KYNU: variants seen among roughly 807,000 people sequenced by gnomAD.
KYNU encodes the protein L-kynurenine hydrolase.
KYNU carries 54 observed loss-of-function variants against 59.2 expected under a neutral mutation model. That is an observed-to-expected ratio of 0.91 (90% CI 0.73 to 1.14). KYNU has a LOEUF of 1.14. KYNU is among the 50% of genes most tolerant of loss of function. The pLI, the probability that KYNU is intolerant of heterozygous loss-of-function variation, is 0.00. For synonymous variants in KYNU, 177 were observed against 192.0 expected (o/e 0.92, Z 0.65); for missense variants, 567 against 554.4 (o/e 1.02, Z -0.23).
intron 12 of KYNU, among the ~76,000 whole-genome samples, chr2:143,038,646 A>G (rs924145243): frequency 6.6e-6 from 1 of 152,128 alleles, no homozygotes; most frequent in African/African-American, 2.4e-5. Flanking sequence ...AGAGACAGGC[A>G]CCATTCTGTC....
Position 142,947,273 on chromosome 2 carries a change from C to A in KYNU, c.374-7537C>A, listed in dbSNP as rs988800634. 3.9e-6 allele frequency: 6 copies of A among 1,528,574 alleles called. No individual in the cohort carries two copies. In the South Asian group the frequency reaches 6.0e-5, roughly 15 times the overall value. The allele number at this position is 1,528,574 out of a possible 1,614,324, so 94.7% of individuals were successfully genotyped here. A position where few individuals can be genotyped will look rare whatever the true frequency, so the allele number is the denominator to read the frequency against. ...GGAAGATTTTCAAGTAGGAACCAGA[C>A]AAATTCACTTAAAACTCACCACTAC... is the stretch of plus-strand genomic sequence containing the variant. On this transcript the variant is annotated intron_variant, in intron 4 of 13. Transcript: ENST00000264170.
At position 143,046,257 on chromosome 2, in the gene KYNU, T is replaced by C. The variant is rs1687163706; in HGVS notation, c.*4085T>C. ...CCCATAAAAATCTATTAGCTAATTT[T>C]GGTTGTGCATGAATATTGTATCAAT... On this transcript the variant is annotated 3_prime_UTR_variant, in exon 14 of 14. Coordinates refer to ENST00000264170, the MANE Select transcript of KYNU (RefSeq NM_003937.3). 6.6e-6 allele frequency: 1 copy of C among 152,180 alleles called. No individual in the cohort carries two copies. Among genetic ancestry groups the C allele is most frequent in the Admixed American group, 6.6e-5 (1 of 15,250 alleles). The allele number at this position is 152,180 out of a possible 1,614,324, so 9.4% of individuals were successfully genotyped here.
chr2:142,956,462 G>A lies in KYNU; in HGVS notation c.507+188G>A, dbSNP rs140374470. ...TATTTCTTTTGTTAAAGTAAAACAC[G>A]TGTTAAGGGAAGAGAAGATGGAATA... On this transcript the variant is annotated intron_variant, in intron 6 of 13. Coordinates refer to ENST00000264170, the MANE Select transcript of KYNU (RefSeq NM_003937.3). Among the ~76,000 whole-genome samples the A allele has an allele frequency of 3.9e-3, 601 of 152,174 alleles. 2 individuals are homozygous for A. The highest frequency in any genetic ancestry group is 0.013 in the African/African-American group (537 of 41,540).
rs1268625583 is a variant in KYNU at position 142,944,237 on chromosome 2, G to A, written c.374-10573G>A. ...AGTAGGTACCTTATTGAGTTGCTAT[G>A]CATGCTGAAATAATACAAGTCACAT... is the stretch of plus-strand genomic sequence containing the variant. On this transcript the variant is annotated intron_variant, in intron 4 of 13. Transcript: ENST00000264170. Among the ~76,000 whole-genome samples, 4 of 152,176 alleles carry A rather than the reference G, an allele frequency of 2.6e-5. No homozygotes were observed. The East Asian group carries it at 5.8e-4, about 22-fold the overall frequency.
chr2:142,989,576 G>T, intron 10 of KYNU: 1 of 757,898 alleles, frequency 1.3e-6, no homozygotes, highest in Non-Finnish European at 1.6e-6. Context: ...TCTTTAACAA[G>T]TATTTTGAAG....
chr2:142,955,782 G>A (rs1684142334), intron 5 of KYNU, among the ~76,000 whole-genome samples: 2 of 152,004 alleles, frequency 1.3e-5, no homozygotes, highest in South Asian at 2.1e-4. Flanking sequence ...GAACAAATGA[G>A]CTACTATCAA....
chr2:142,889,672 G>C (rs1681639579), intron 2 of KYNU, among the ~76,000 whole-genome samples: 1 of 152,160 alleles, frequency 6.6e-6, no homozygotes. Flanking sequence ...GTTTTGACAA[G>C]ATGTGAATTC....
At chr2:143,005,739 G>A (rs1339411659) in intron 10 of KYNU, among the ~76,000 whole-genome samples, 1 of 151,848 alleles carries the variant, frequency 6.6e-6, no homozygotes, top group East Asian at 1.9e-4. Context: ...TGTGGTTTTT[G>A]CCATGGAAAG....
At chr2:142,969,160 G>A (rs1035414724) in intron 8 of KYNU, among the ~76,000 whole-genome samples, 9 of 151,954 alleles carry the variant, frequency 5.9e-5, no homozygotes, top group Non-Finnish European at 1.2e-4. Flanking sequence ...TCAAGAAAAA[G>A]ACATGTTAAA....
At chr2:143,033,454 C>A in intron 12 of KYNU, 133 bp downstream of exon 12, 2 of 784,598 alleles carry the variant, frequency 2.5e-6, no homozygotes, top group East Asian at 4.9e-5. Flanking sequence ...GGACAGAAGG[C>A]AGCATTCCCC....
Position 143,012,237 on chromosome 2 carries a change from T to C in KYNU, c.903-17390T>C, listed in dbSNP as rs374405029. Reference sequence around the variant, plus strand: ...TGACTCACGCCTGTAATCCCAGCACTTTGGGAGGCCGAGGCGGGTGGATCA... The same window carrying C: ...TGACTCACGCCTGTAATCCCAGCACCTTGGGAGGCCGAGGCGGGTGGATCA... On this transcript the variant is annotated intron_variant, in intron 10 of 13. Coordinates refer to ENST00000264170, the MANE Select transcript of KYNU (RefSeq NM_003937.3). Among the ~76,000 whole-genome samples, 474 of 151,996 alleles carry C rather than the reference T, an allele frequency of 3.1e-3. 1 individual carries two copies. The highest frequency in any genetic ancestry group is 0.01 in the South Asian group (49 of 4,816).
chr2:142,900,225 A>G (rs545351583), intron 2 of KYNU, among the ~76,000 whole-genome samples: 6 of 152,342 alleles, frequency 3.9e-5, no homozygotes, highest in Non-Finnish European at 7.3e-5. Context: ...TCGCTGGATC[A>G]GGAGCACAGT....
At chr2:142,980,641 C>T (rs934651809) in intron 8 of KYNU, among the ~76,000 whole-genome samples, 1 of 151,920 alleles carries the variant, frequency 6.6e-6, no homozygotes, top group African/African-American at 2.4e-5. Context: ...TCAGAATGGC[C>T]TGAAAATGAT....
In KYNU at chr2:143,004,583, C is replaced by T. The variant is rs117129930; in HGVS notation, c.902+18562C>T. On this transcript the variant is annotated intron_variant, in intron 10 of 13. Coordinates refer to ENST00000264170, the MANE Select transcript of KYNU (RefSeq NM_003937.3). ...AGAATTAGCTGCGTGTGGTGGTGTGCGCCACCACTCGGGAGGCTGAGGCAG... is the reference window on the plus strand; with the variant it reads ...AGAATTAGCTGCGTGTGGTGGTGTGTGCCACCACTCGGGAGGCTGAGGCAG... Among the ~76,000 whole-genome samples, 138 of 152,110 alleles carry T rather than the reference C, an allele frequency of 9.1e-4. 1 individual carries two copies. The East Asian group carries it at 0.02, about 22-fold the overall frequency.
intron 2 of KYNU, among the ~76,000 whole-genome samples, chr2:142,900,434 C>T (rs1682037536): frequency 1.3e-5 from 2 of 152,172 alleles, no homozygotes; most frequent in Admixed American, 1.3e-4. Context: ...GTAGCCATTG[C>T]CAGCTCAAAT....
intron 2 of KYNU, among the ~76,000 whole-genome samples, chr2:142,896,000 C>A (rs555236213): frequency 6.6e-6 from 1 of 152,264 alleles, no homozygotes; most frequent in East Asian, 1.9e-4. Flanking sequence ...TATATTCTTT[C>A]TCTTCTTTTT....
At position 142,891,919 on chromosome 2, in the gene KYNU, C is replaced by CT. The variant is rs5834923; in HGVS notation, c.169+6395dup. On this transcript the variant is annotated intron_variant, in intron 2 of 13. Transcript: ENST00000264170. ...AAGTTTAATTTTGTAGACATTGAGA[C>CT]TTTTTTTTTTTTAGATGGGGTCTCA... 5.9e-3 allele frequency among the ~76,000 whole-genome samples: 867 copies of CT among 148,058 alleles called. 6 individuals are homozygous for CT. The highest frequency in any genetic ancestry group is 0.017 in the South Asian group (80 of 4,680).
chr2:142,982,182 G>T (rs1685069636), intron 8 of KYNU, among the ~76,000 whole-genome samples: 1 of 152,032 alleles, frequency 6.6e-6, no homozygotes, highest in African/African-American at 2.4e-5. Flanking sequence ...TTTGGAGCAG[G>T]TATGTGCACT....
In KYNU at chr2:142,957,652, G is replaced by A; in HGVS notation, c.519G>A (p.Glu173=). The A allele has an allele frequency of 6.3e-7, 1 of 1,599,892 alleles. No individual in the cohort carries two copies. The highest frequency in any genetic ancestry group is 8.6e-7 in the Non-Finnish European group (1 of 1,167,594). The change falls in exon 7 of 14, where the codon GAG becomes GAA. Residue 173 remains glutamate, a synonymous_variant. Transcript: ENST00000264170. Reference sequence around the variant, plus strand: ...TCTTTCCTTTTTAGTATGCTATTGAGTCACAACTACAACTTCACGGACTTA... The same window carrying A: ...TCTTTCCTTTTTAGTATGCTATTGAATCACAACTACAACTTCACGGACTTA... ...KAFPSDHYAI[E]SQLQLHGLNI...
Sources: allele counts gnomAD v4.1 joint callset (sites outside exome capture counted in the v4.1 genomes callset), GRCh38; gene constraint gnomAD v4.1.1; transcripts MANE v1.5; gene names NCBI Gene and HGNC (gene_info 2026-07-23, HGNC 2026-07-21).